TRPM7: variants seen among roughly 807,000 people sequenced by gnomAD.
TRPM7 encodes the protein LTRPC ion channel family member 7.
A neutral mutation model predicts 229.7 loss-of-function variants in TRPM7; 134 were observed. The ratio of observed to expected loss-of-function variants is 0.58; its 90% CI spans 0.51 to 0.67. TRPM7 has a LOEUF of 0.67. TRPM7 is among the 30% of genes least tolerant of loss of function. TRPM7 has a pLI of 0.00. For missense variants in TRPM7, 1,901 were observed against 2,210.0 expected (o/e 0.86, Z 2.80); for synonymous variants, 699 against 715.2 (o/e 0.98, Z 0.36).
At chr15:50,656,442 T>G (rs907543879) in intron 3 of TRPM7, among the ~76,000 whole-genome samples, 2 of 151,902 alleles carry the variant, frequency 1.3e-5, no homozygotes, top group Non-Finnish European at 2.9e-5. Context: ...TTCAGCCTCT[T>G]AAGTAGCTGG....
In TRPM7 at chr15:50,578,661, T is replaced by G; in HGVS notation, c.4596A>C (p.Pro1532=). 1 of 1,608,536 alleles carries G rather than the reference T, an allele frequency of 6.2e-7. No individual in the cohort carries two copies. The highest frequency in any genetic ancestry group is 8.5e-7 in the Non-Finnish European group (1 of 1,176,726). Reference sequence around the variant, plus strand: ...CACCATTTAATGTTCCTTCTTCAGATGGCCTAAAGAAACACCAAAAAATAT... The same window carrying G: ...CACCATTTAATGTTCCTTCTTCAGAGGGCCTAAAGAAACACCAAAAAATAT... ...LQDRPSNREM[P]SEEGTLNGLT... Residue 1532 remains proline (P), a synonymous_variant, in exon 31 of 39, where the codon CCA becomes CCC. Transcript: ENST00000646667.
rs1049678740 is a variant in TRPM7, at chr15:50,563,869, C to CT, written c.5468-2062dup. On this transcript the variant is annotated intron_variant, in intron 38 of 38. Transcript: ENST00000646667. ...TTATGTGTAGCCCAAGACAATTCTTCTTTTTTTTTTGAGACAAGGTCTTGT... is the reference window on the plus strand; with the variant it reads ...TTATGTGTAGCCCAAGACAATTCTTCTTTTTTTTTTTGAGACAAGGTCTTGT... 9.6e-3 allele frequency among the ~76,000 whole-genome samples: 1,429 copies of CT among 148,678 alleles called. 25 individuals are homozygous for CT. Among genetic ancestry groups the CT allele is most frequent in the African/African-American group, 0.033 (1,353 of 40,720 alleles).
intron 1 of TRPM7, 48 bp from the exon 2 acceptor site, chr15:50,663,094 TA>T: frequency 7.1e-7 from 1 of 1,406,028 alleles, no homozygotes; most frequent in Non-Finnish European, 9.9e-7. Context: ...ACCCACTAAA[TA>T]AGAAGGAAAC....
chr15:50,574,696 T>C lies in TRPM7; in HGVS notation c.5043A>G (p.Ala1681=). The part of the protein sequence containing the change: ...CLREIQQQRA[A]QKLTFAFNQM... ...GATTAAAGGCAAACGTAAGCTTTTG[T>C]GCTGCTCTCTGTTGTTGAATTTCCT... Residue 1681 remains alanine (A), a synonymous_variant, in exon 35 of 39, where the codon GCA becomes GCG. Coordinates refer to ENST00000646667, the MANE Select transcript of TRPM7 (RefSeq NM_017672.6). 1.2e-6 allele frequency: 2 copies of C among 1,613,948 alleles called. No individual in the cohort carries two copies. Among genetic ancestry groups the C allele is most frequent in the Non-Finnish European group, 1.7e-6 (2 of 1,179,952 alleles).
At chr15:50,574,210 T>A in intron 36 of TRPM7, 64 bp downstream of exon 36, 1 of 1,275,002 alleles carries the variant, frequency 7.8e-7, no homozygotes, top group Non-Finnish European at 1.1e-6. Flanking sequence ...AGATTCTGTA[T>A]AACATATGAA....
At chr15:50,628,871 A>G (rs1031572188) in intron 10 of TRPM7, among the ~76,000 whole-genome samples, 4 of 152,230 alleles carry the variant, frequency 2.6e-5, no homozygotes, top group South Asian at 2.1e-4. Flanking sequence ...TTCTGTGCAC[A>G]TACAAGCTCA....
chr15:50,620,579 C>A (rs1596222319), intron 12 of TRPM7, among the ~76,000 whole-genome samples: 1 of 152,126 alleles, frequency 6.6e-6, no homozygotes, highest in Non-Finnish European at 1.5e-5. Context: ...AAGATGACTA[C>A]AATTGATATT....
intron 10 of TRPM7, among the ~76,000 whole-genome samples, chr15:50,630,318 T>C (rs1051608707): frequency 7.9e-5 from 12 of 152,176 alleles, no homozygotes; most frequent in Middle Eastern, 3.2e-3. Context: ...TGGCAATTTA[T>C]TATGGTCTAA....
rs142020944 is a variant in TRPM7 at position 50,634,287 on chromosome 15, C to T, written c.1007+95G>A. ...AGTAAGCCAAGATTGCACCACTGCA[C>T]GCTATCCAGGCTGGGAGACACAGCA... On this transcript the variant is annotated intron_variant, in intron 8 of 38. Transcript: ENST00000646667. The T allele has an allele frequency of 2.4e-3, 2,368 of 1,000,998 alleles. 4 individuals are homozygous for T. Among genetic ancestry groups the T allele is most frequent in the Admixed American group, 5.4e-3 (135 of 25,118 alleles). 62.0% of individuals were successfully genotyped at this position (1,000,998 alleles called of 1,614,324 possible).
intron 21 of TRPM7, among the ~76,000 whole-genome samples, chr15:50,602,572 TTC>T (rs2059809707): frequency 6.6e-6 from 1 of 152,192 alleles, no homozygotes; most frequent in Non-Finnish European, 1.5e-5. Flanking sequence ...CTCTTCTATC[TTC>T]ACGTAACAAT....
rs571900562 is a variant in TRPM7 at position 50,626,434 on chromosome 15, GTC to G, written c.1305+1713_1305+1714del. Among the ~76,000 whole-genome samples the G allele has an allele frequency of 2.6e-5, 4 of 152,212 alleles. No individual in the cohort carries two copies. The South Asian group carries it at 8.3e-4, about 32-fold the overall frequency. ...AAAAGGGACCATTTTAAAAAAAAGT[GTC>G]TGTTTTGTAAGGAGCATTTCCTCAC... On this transcript the variant is annotated intron_variant, in intron 11 of 38. Transcript: ENST00000646667.
At chr15:50,636,406 G>A (rs2060909387) in intron 7 of TRPM7, among the ~76,000 whole-genome samples, 1 of 152,042 alleles carries the variant, frequency 6.6e-6, no homozygotes, top group South Asian at 2.1e-4. Context: ...GGTCAGTCTG[G>A]TCTAGAATTC....
In TRPM7 at chr15:50,585,033, A is replaced by ATCT. The variant is rs1425337480; in HGVS notation, c.4486+1356_4486+1358dup. On this transcript the variant is annotated intron_variant, in intron 28 of 38. Transcript: ENST00000646667. ...TGGGATTACAGACGTGCGCCACCACATCTAGCTAATTTTTGTATTTTTTTT... is the reference window on the plus strand; with the variant it reads ...TGGGATTACAGACGTGCGCCACCACATCTTCTAGCTAATTTTTGTATTTTTTTT... Among the ~76,000 whole-genome samples, 10 of 142,764 alleles carry ATCT rather than the reference A, an allele frequency of 7.0e-5. No homozygotes were observed. The East Asian group carries it at 1.8e-3, about 26-fold the overall frequency. 93.7% of individuals were successfully genotyped at this position (142,764 alleles called of 152,430 possible).
chr15:50,633,081 T>C, intron 8 of TRPM7, 89 bp from the exon 9 acceptor site: 2 of 1,170,104 alleles, frequency 1.7e-6, no homozygotes, highest in South Asian at 4.4e-5. Flanking sequence ...TGTAAGACCT[T>C]TGAAAATAAT....
intron 3 of TRPM7, among the ~76,000 whole-genome samples, chr15:50,654,708 C>A (rs2061509586): frequency 1.3e-5 from 2 of 150,936 alleles, no homozygotes. Context: ...AATGAAAATT[C>A]ACTGGATGGG....
At chr15:50,623,380 C>T (rs1262904318) in intron 12 of TRPM7, among the ~76,000 whole-genome samples, 2 of 150,792 alleles carry the variant, frequency 1.3e-5, no homozygotes, top group Admixed American at 1.3e-4. Context: ...CCACTGCACT[C>T]CAGCCTGGTG....
At chr15:50,634,644 C>T (rs1193103132) in intron 7 of TRPM7, 88 bp from the exon 8 acceptor site, 2 of 955,554 alleles carry the variant, frequency 2.1e-6, no homozygotes, top group East Asian at 6.5e-5. Flanking sequence ...ATTCAGTACT[C>T]TAATTTTAGA....
At chr15:50,648,426 G>C (rs2061330527) in intron 4 of TRPM7, among the ~76,000 whole-genome samples, 1 of 151,928 alleles carries the variant, frequency 6.6e-6, no homozygotes, top group Non-Finnish European at 1.5e-5. Flanking sequence ...AAACCGAAAA[G>C]GAAGAAAGAT....
intron 31 of TRPM7, among the ~76,000 whole-genome samples, chr15:50,576,498 T>A (rs1160941388): frequency 1.3e-5 from 2 of 152,330 alleles, no homozygotes; most frequent in South Asian, 4.1e-4. Context: ...TATAAAAATA[T>A]ACTTTAAAAA....
Sources: allele counts gnomAD v4.1 joint callset (sites outside exome capture counted in the v4.1 genomes callset), GRCh38; gene constraint gnomAD v4.1.1; transcripts MANE v1.5; gene names NCBI Gene and HGNC (gene_info 2026-07-23, HGNC 2026-07-21).